Variants in DLG2 observed in about 807,000 individuals in gnomAD.
The protein encoded by DLG2 is discs large MAGUK scaffold protein 2, also known as disks large homolog 2.
A neutral mutation model predicts 132.5 loss-of-function variants in DLG2; 45 were observed. The ratio of observed to expected loss-of-function variants is 0.34; its 90% CI spans 0.27 to 0.44. The LOEUF is 0.44. DLG2 is among the 20% of genes least tolerant of loss of function. DLG2 has a pLI of 1.00. For missense variants in DLG2, 1,045 were observed against 1,196.9 expected (o/e 0.87, Z 1.87); for synonymous variants, 424 against 419.6 (o/e 1.01, Z -0.13).
At chr11:84,501,554 G>A (rs945979776) in intron 7 of DLG2, among the ~76,000 whole-genome samples, 9 of 152,072 alleles carry the variant, frequency 5.9e-5, no homozygotes, top group Admixed American at 4.6e-4. Flanking sequence ...TGACAGAGCC[G>A]AGACTCCGTC....
intron 11 of DLG2, among the ~76,000 whole-genome samples, chr11:84,034,781 T>C (rs2095816107): frequency 6.6e-6 from 1 of 152,180 alleles, no homozygotes; most frequent in South Asian, 2.1e-4. Context: ...AGCCTCCTTA[T>C]AGATACAATA....
At chr11:84,927,109 T>C (rs1034005432) in intron 6 of DLG2, among the ~76,000 whole-genome samples, 1 of 152,018 alleles carries the variant, frequency 6.6e-6, no homozygotes, top group Non-Finnish European at 1.5e-5. Context: ...GGGCATGTAA[T>C]ACTTTAAAAA....
chr11:85,120,170 T>C lies in DLG2; in HGVS notation c.283-8435A>G, dbSNP rs1267280522. ...AACCTAACACAAAGAAAAGGGTCAA[T>C]GGATATTACTTGCATATATGCCCTG... On this transcript the variant is annotated intron_variant, in intron 5 of 27. Transcript: ENST00000376104. Among the ~76,000 whole-genome samples the C allele has an allele frequency of 2.0e-5, 3 of 152,094 alleles. No homozygotes were observed. In the East Asian group the frequency reaches 5.8e-4, roughly 29 times the overall value.
chr11:83,510,760 CCAGT>C (rs1017134222), intron 21 of DLG2, among the ~76,000 whole-genome samples: 1 of 150,198 alleles, frequency 6.7e-6, no homozygotes, highest in African/African-American at 2.5e-5. Flanking sequence ...ACAAGCAGGG[CCAGT>C]CAGAGGAGTG....
At chr11:83,790,197 A>C (rs1207112993) in intron 17 of DLG2, 1 of 870,730 alleles carries the variant, frequency 1.1e-6, no homozygotes, top group Non-Finnish European at 1.9e-6. Context: ...TCCCTGACTG[A>C]ATGCTCAATT....
chr11:85,627,590 A>AT (rs2153297330), upstream of DLG2: 1 of 152,350 alleles, frequency 6.6e-6, no homozygotes, highest in East Asian at 1.9e-4. Context: ...ACATGTAAGC[A>AT]TAAGCTATGT....
At chr11:84,755,195 G>A (rs1268921911) in intron 6 of DLG2, among the ~76,000 whole-genome samples, 1 of 152,158 alleles carries the variant, frequency 6.6e-6, no homozygotes, top group Non-Finnish European at 1.5e-5. Flanking sequence ...GTCACAGTTA[G>A]TCACAAATTT....
intron 6 of DLG2, among the ~76,000 whole-genome samples, chr11:85,081,352 G>A (rs1026672740): frequency 6.6e-6 from 1 of 152,084 alleles, no homozygotes; most frequent in Non-Finnish European, 1.5e-5. Flanking sequence ...TGAACACTTA[G>A]GATATATGTT....
intron 3 of DLG2, among the ~76,000 whole-genome samples, chr11:85,315,121 C>G (rs1228778697): frequency 1.3e-5 from 2 of 151,914 alleles, no homozygotes; most frequent in Non-Finnish European, 2.9e-5. Flanking sequence ...AAATAAGATT[C>G]CAGCCTGGAA....
At chr11:83,852,270 C>T (rs1194672589) in intron 16 of DLG2, among the ~76,000 whole-genome samples, 1 of 152,224 alleles carries the variant, frequency 6.6e-6, no homozygotes, top group African/African-American at 2.4e-5. Context: ...ATGAACATCA[C>T]CTGCCTAGAG....
intron 19 of DLG2, among the ~76,000 whole-genome samples, chr11:83,563,235 C>T (rs1027561236): frequency 1.3e-5 from 2 of 152,088 alleles, no homozygotes; most frequent in African/African-American, 2.4e-5. Flanking sequence ...CCTCGGCCTC[C>T]CAAAGTGCTG....
At chr11:85,219,904 C>T (rs2082902002) in intron 4 of DLG2, among the ~76,000 whole-genome samples, 2 of 151,358 alleles carry the variant, frequency 1.3e-5, no homozygotes, top group South Asian at 4.2e-4. Context: ...AGCAACCAAC[C>T]CAGCTATATT....
chr11:85,104,158 T>A (rs1394883867), intron 6 of DLG2, among the ~76,000 whole-genome samples: 2 of 151,872 alleles, frequency 1.3e-5, no homozygotes, highest in Non-Finnish European at 2.9e-5. Flanking sequence ...TGACAGGGAC[T>A]CAAAAAGTTA....
chr11:83,486,005 A>G lies in DLG2; in HGVS notation c.2194-1777T>C, dbSNP rs142622862. 214 of 394,666 alleles carry G rather than the reference A, an allele frequency of 5.4e-4. 3 individuals carry two copies. In the East Asian group the frequency reaches 8.0e-3, roughly 15 times the overall value. The allele number at this position is 394,666 out of a possible 1,614,324, so 24.4% of individuals were successfully genotyped here. A position where few individuals can be genotyped will look rare whatever the true frequency, so the allele number is the denominator to read the frequency against. ...GGGGACATATACTTTACATTCAAGT[A>G]CTAAAATTACATTCTCAGAGGGAAA... On this transcript the variant is annotated intron_variant, in intron 21 of 27. Transcript: ENST00000376104.
intron 8 of DLG2, among the ~76,000 whole-genome samples, chr11:84,169,321 C>T (rs539063189): frequency 1.3e-5 from 2 of 152,240 alleles, no homozygotes; most frequent in South Asian, 4.1e-4. Flanking sequence ...CAAAGCAGAT[C>T]TTCAATAATG....
intron 3 of DLG2, among the ~76,000 whole-genome samples, chr11:85,562,333 T>A (rs183413698): frequency 1.4e-4 from 22 of 151,910 alleles, no homozygotes; most frequent in African/African-American, 4.6e-4. Context: ...GAGCTAAGAA[T>A]TCCTTGGGTA....
At chr11:84,411,055 A>C (rs562823953) in intron 7 of DLG2, among the ~76,000 whole-genome samples, 2 of 152,322 alleles carry the variant, frequency 1.3e-5, no homozygotes, top group Admixed American at 6.5e-5. Context: ...CATACATCTA[A>C]ACAAACCAGA....
chr11:85,296,210 G>C (rs1006812493), intron 3 of DLG2, among the ~76,000 whole-genome samples: 1 of 152,080 alleles, frequency 6.6e-6, no homozygotes, highest in Non-Finnish European at 1.5e-5. Flanking sequence ...AGGCACATAA[G>C]TATAGATTTA....
chr11:84,876,587 G>T (rs1178143961), intron 6 of DLG2, among the ~76,000 whole-genome samples: 1 of 151,822 alleles, frequency 6.6e-6, no homozygotes, highest in African/African-American at 2.4e-5. Context: ...TTCTTTATTA[G>T]TCTGGGTAGC....
Sources: allele counts gnomAD v4.1 joint callset (sites outside exome capture counted in the v4.1 genomes callset), GRCh38; gene constraint gnomAD v4.1.1; transcripts MANE v1.5; gene names NCBI Gene and HGNC (gene_info 2026-07-23, HGNC 2026-07-21).